The following KANSL1L variants were observed in gnomAD, a reference collection of about 807,000 sequenced individuals.
KANSL1L encodes the protein KAT8 regulatory NSL complex subunit 1 like, also known as KAT8 regulatory NSL complex subunit 1-like protein.
A neutral mutation model predicts 108.6 loss-of-function variants in KANSL1L; 25 were observed. The ratio of observed to expected loss-of-function variants is 0.23; its 90% CI spans 0.17 to 0.32. The LOEUF is 0.32. KANSL1L is among the 10% of genes least tolerant of loss of function. KANSL1L has a pLI of 1.00. For synonymous variants in KANSL1L, 405 were observed against 395.1 expected (o/e 1.03, Z -0.30); for missense variants, 1,137 against 1,125.7 (o/e 1.01, Z -0.14).
chr2:210,033,796 C>T lies in KANSL1L; in HGVS notation c.2030-2250G>A, dbSNP rs530105393. ...CTCGTGATCCGCCCGCCTCAGCCTC[C>T]CAAAGTGCTGGGATTACAGGCGTGA... is the stretch of plus-strand genomic sequence containing the variant. On this transcript the variant is annotated intron_variant, in intron 8 of 14. Transcript: ENST00000281772. Among the ~76,000 whole-genome samples the T allele has an allele frequency of 4.1e-4, 63 of 151,982 alleles. 1 individual carries two copies. The highest frequency in any genetic ancestry group is 7.5e-4 in the Non-Finnish European group (51 of 67,996).
intron 2 of KANSL1L, chr2:210,152,886 C>T (rs1213717407): frequency 6.6e-6 from 1 of 152,174 alleles, no homozygotes; most frequent in Non-Finnish European, 1.5e-5. Flanking sequence ...TGTCCACAGC[C>T]TATTCAAGAA....
intron 5 of KANSL1L, among the ~76,000 whole-genome samples, chr2:210,090,042 A>G (rs1464388040): frequency 6.6e-6 from 1 of 152,198 alleles, no homozygotes; most frequent in Non-Finnish European, 1.5e-5. Flanking sequence ...TTTAAAGAGT[A>G]AGAATAGCTG....
intron 4 of KANSL1L, among the ~76,000 whole-genome samples, chr2:210,103,146 G>C (rs911653283): frequency 6.6e-6 from 1 of 152,132 alleles, no homozygotes; most frequent in Non-Finnish European, 1.5e-5. Flanking sequence ...CATAAAAAAG[G>C]ATGAGTTCAT....
chr2:210,104,355 AC>A, intron 3 of KANSL1L, 54 bp from the exon 4 acceptor site: 2 of 1,266,676 alleles, frequency 1.6e-6, no homozygotes, highest in Admixed American at 1.8e-5. Context: ...TTATTAAGCC[AC>A]CTTTAATGCT....
intron 7 of KANSL1L, 65 bp from the exon 8 acceptor site, chr2:210,040,592 T>C (rs2094154270): frequency 1.5e-6 from 1 of 673,868 alleles, no homozygotes. Flanking sequence ...GATTACAGAT[T>C]GTAACATTAA....
intron 5 of KANSL1L, among the ~76,000 whole-genome samples, chr2:210,090,787 C>A (rs1006191389): frequency 3.3e-5 from 5 of 152,210 alleles, no homozygotes; most frequent in African/African-American, 9.6e-5. Context: ...CCTGCCTTAG[C>A]CTCCCAAAGT....
intron 11 of KANSL1L, 45 bp from the exon 12 acceptor site, chr2:210,027,395 A>G (rs754044335): frequency 7.3e-5 from 100 of 1,373,308 alleles, no homozygotes; most frequent in Non-Finnish European, 4.2e-6. Flanking sequence ...TATTTATTTA[A>G]ATGTGGCAAT....
At chr2:210,105,736 C>T (rs537110272) in intron 3 of KANSL1L, among the ~76,000 whole-genome samples, 4 of 151,738 alleles carry the variant, frequency 2.6e-5, no homozygotes, top group South Asian at 2.1e-4. Flanking sequence ...GTAGTAAATG[C>T]GCTTTTTAAA....
intron 6 of KANSL1L, among the ~76,000 whole-genome samples, chr2:210,061,291 G>T (rs955080991): frequency 6.6e-6 from 1 of 151,968 alleles, no homozygotes; most frequent in Non-Finnish European, 1.5e-5. Context: ...TCTAATCTTG[G>T]ATGCCAGAGG....
intron 1 of KANSL1L, among the ~76,000 whole-genome samples, chr2:210,156,867 A>G (rs906480506): frequency 1.3e-5 from 2 of 152,070 alleles, no homozygotes; most frequent in African/African-American, 4.8e-5. Context: ...TTATGTATAC[A>G]CTTTATTGTA....
At chr2:210,041,431 AT>A (rs1354935322) in intron 7 of KANSL1L, among the ~76,000 whole-genome samples, 3 of 152,108 alleles carry the variant, frequency 2.0e-5, no homozygotes, top group Non-Finnish European at 4.4e-5. Flanking sequence ...CCTAGATTTT[AT>A]TTTTTATTTG....
chr2:210,149,516 A>G (rs2095287692), intron 2 of KANSL1L, among the ~76,000 whole-genome samples: 1 of 152,146 alleles, frequency 6.6e-6, no homozygotes, highest in East Asian at 1.9e-4. Flanking sequence ...TTCACTCTGA[A>G]CTTTATACAT....
intron 10 of KANSL1L, among the ~76,000 whole-genome samples, chr2:210,029,436 A>G (rs189394146): frequency 1.4e-4 from 21 of 152,128 alleles, no homozygotes; most frequent in South Asian, 6.2e-4. Flanking sequence ...TGACCTCTCT[A>G]TTCCCTGGCC....
rs759511875 is a variant in KANSL1L at position 210,031,370 on chromosome 2, T to G, written c.2155+51A>C. The G allele has an allele frequency of 9.7e-6, 13 of 1,345,582 alleles. No individual in the cohort carries two copies. In the South Asian group the frequency reaches 1.7e-4, roughly 17 times the overall value. 83.4% of individuals were successfully genotyped at this position (1,345,582 alleles called of 1,614,324 possible). On this transcript the variant is annotated intron_variant, in intron 9 of 14. Coordinates refer to ENST00000281772, the MANE Select transcript of KANSL1L (RefSeq NM_152519.4). ...TGAGAGGTTATTTTAAAATCAGAAT[T>G]TTTAATTTTTAATATTTATCACTAC...
At chr2:210,102,310 T>G (rs1360688283) in intron 4 of KANSL1L, among the ~76,000 whole-genome samples, 1 of 152,168 alleles carries the variant, frequency 6.6e-6, no homozygotes, top group East Asian at 1.9e-4. Context: ...TATACAAAAA[T>G]TAATTCAAGA....
At chr2:210,164,855 G>GTTTTTTTTTTTTTTTTTTTTTTTTTTTTT (rs546289634) in intron 1 of KANSL1L, among the ~76,000 whole-genome samples, 1 of 135,104 alleles carries the variant, frequency 7.4e-6, no homozygotes, top group African/African-American at 2.7e-5. Flanking sequence ...TATTTTTTCT[G>GTTTTTTTTTTTTTTTTTTTTTTTTTTTTT]TTTTTTTTTT....
chr2:210,049,883 C>T (rs2094270623), intron 6 of KANSL1L, among the ~76,000 whole-genome samples: 1 of 152,194 alleles, frequency 6.6e-6, no homozygotes, highest in South Asian at 2.1e-4. Context: ...GTTTTCAGAA[C>T]TTGGACAATA....
rs1196451096 is a variant in KANSL1L, at chr2:210,065,581, T to A, written c.1755+9971A>T. ...CTCAATTGAGGTGCCTGGACATGATTTTTTTTTTTTTTTTTTTTTTTTGAT... is the reference window on the plus strand; with the variant it reads ...CTCAATTGAGGTGCCTGGACATGATATTTTTTTTTTTTTTTTTTTTTTGAT... On this transcript the variant is annotated intron_variant, in intron 6 of 14. Coordinates refer to ENST00000281772, the MANE Select transcript of KANSL1L (RefSeq NM_152519.4). Among the ~76,000 whole-genome samples the A allele has an allele frequency of 0.024, 23 of 942 alleles. No individual in the cohort carries two copies. The South Asian group carries it at 0.37, about 15-fold the overall frequency. 0.6% of individuals were successfully genotyped at this position (942 alleles called of 152,430 possible).
intron 1 of KANSL1L, among the ~76,000 whole-genome samples, chr2:210,159,584 T>G (rs1344052099): frequency 6.6e-6 from 1 of 152,226 alleles, no homozygotes; most frequent in African/African-American, 2.4e-5. Flanking sequence ...GTTGACTAAA[T>G]TCATAAATTA....
Sources: gnomAD v4.1 joint callset for allele counts (sites outside exome capture counted in the v4.1 genomes callset) on GRCh38, gnomAD v4.1.1 for gene constraint, MANE v1.5 for transcripts, NCBI Gene and HGNC (gene_info 2026-07-23, HGNC 2026-07-21) for gene names.